The following PALLD variants were observed in gnomAD, a reference collection of about 807,000 sequenced individuals.
PALLD encodes palladin, cytoskeletal associated protein.
Under a neutral mutation model 123.5 loss-of-function variants are expected in PALLD, and 61 were observed. That is an observed-to-expected ratio of 0.49 (90% CI 0.40 to 0.61). The LOEUF is 0.61. PALLD is among the 20% of genes least tolerant of loss of function. PALLD has a pLI of 0.00. For synonymous variants in PALLD, 465 were observed against 496.4 expected (o/e 0.94, Z 0.84); for missense variants, 1,273 against 1,377.0 (o/e 0.92, Z 1.20).
chr4:168,924,497 A>G, intron 19 of PALLD, 77 bp downstream of exon 19: 2 of 1,310,962 alleles, frequency 1.5e-6, no homozygotes, highest in South Asian at 2.4e-5. Flanking sequence ...TTTATATAGC[A>G]TGGAAATCTA....
At chr4:168,742,251 A>G (rs551398593) in intron 10 of PALLD, among the ~76,000 whole-genome samples, 1 of 152,308 alleles carries the variant, frequency 6.6e-6, no homozygotes, top group East Asian at 1.9e-4. Context: ...TACCCAGTGC[A>G]TCATGAACAA....
In PALLD at chr4:168,668,136, C is replaced by T. The variant is rs180767517; in HGVS notation, c.909-54C>T. ...TTCACTTCTGCTTTATTGTTTTAAA[C>T]ATCACCATTTCCTTTCTTTCCCTCC... On this transcript the variant is annotated intron_variant, in intron 2 of 21. Coordinates refer to ENST00000505667, the MANE Select transcript of PALLD (RefSeq NM_001166108.2). 7.5e-4 allele frequency: 1,044 copies of T among 1,385,184 alleles called. 2 individuals are homozygous for T. Among genetic ancestry groups the T allele is most frequent in the Non-Finnish European group, 6.3e-4 (612 of 971,202 alleles). 85.8% of individuals were successfully genotyped at this position (1,385,184 alleles called of 1,614,324 possible). A position where few individuals can be genotyped will look rare whatever the true frequency, so the allele number is the denominator to read the frequency against.
At chr4:168,822,406 G>A (rs1742856249) in intron 10 of PALLD, among the ~76,000 whole-genome samples, 1 of 152,152 alleles carries the variant, frequency 6.6e-6, no homozygotes, top group Non-Finnish European at 1.5e-5. Flanking sequence ...GAGGTCAAAT[G>A]ATACTGATCA....
rs769635594 is a variant in PALLD, at chr4:168,928,364, G to A, written c.*2184G>A. The A allele has an allele frequency of 2.0e-4, 36 of 182,792 alleles. No homozygotes were observed. Among genetic ancestry groups the A allele is most frequent in the Non-Finnish European group, 3.0e-4 (26 of 85,732 alleles). 11.3% of individuals were successfully genotyped at this position (182,792 alleles called of 1,614,324 possible). A position where few individuals can be genotyped will look rare whatever the true frequency, so the allele number is the denominator to read the frequency against. ...ACTATCAATCAATCATACTACTTTG[G>A]ATTGTTGTGCTGGTGTAATGTGGAT... On this transcript the variant is annotated 3_prime_UTR_variant, in exon 22 of 22. Transcript: ENST00000505667.
chr4:168,633,465 T>C (rs1044431378), intron 2 of PALLD, among the ~76,000 whole-genome samples: 1 of 152,240 alleles, frequency 6.6e-6, no homozygotes, highest in African/African-American at 2.4e-5. Context: ...TCATAACTAG[T>C]AGACATGAGT....
At chr4:168,866,909 C>A (rs970864604) in intron 10 of PALLD, among the ~76,000 whole-genome samples, 10 of 152,136 alleles carry the variant, frequency 6.6e-5, no homozygotes, top group African/African-American at 2.4e-4. Flanking sequence ...ATAGGAGGGG[C>A]AGACTTAGAG....
At chr4:168,513,621 C>T (rs984259706) in intron 2 of PALLD, among the ~76,000 whole-genome samples, 3 of 152,126 alleles carry the variant, frequency 2.0e-5, no homozygotes, top group African/African-American at 7.2e-5. Flanking sequence ...TAAAGCAGTA[C>T]CTTGCAGCTA....
At chr4:168,809,611 C>G (rs1227959376) in intron 10 of PALLD, among the ~76,000 whole-genome samples, 3 of 152,092 alleles carry the variant, frequency 2.0e-5, no homozygotes, top group African/African-American at 7.2e-5. Context: ...GCCTGTAATC[C>G]CAACACTTTG....
At chr4:168,790,524 A>G (rs941287736) in intron 10 of PALLD, among the ~76,000 whole-genome samples, 57 of 151,968 alleles carry the variant, frequency 3.8e-4, no homozygotes, top group African/African-American at 1.4e-3. Context: ...AACATGAGGT[A>G]CAGATTGAAA....
chr4:168,747,080 A>G (rs1730425280), intron 10 of PALLD, among the ~76,000 whole-genome samples: 1 of 152,214 alleles, frequency 6.6e-6, no homozygotes, highest in Non-Finnish European at 1.5e-5. Flanking sequence ...GTTGGATTCT[A>G]TTTACTACAC....
At chr4:168,585,442 T>C (rs1770714864) in intron 2 of PALLD, among the ~76,000 whole-genome samples, 1 of 152,116 alleles carries the variant, frequency 6.6e-6, no homozygotes, top group African/African-American at 2.4e-5. Context: ...GAAAAGAGAT[T>C]TGCAACCAGC....
chr4:168,503,905 T>C (rs981061664), intron 1 of PALLD, among the ~76,000 whole-genome samples: 2 of 152,102 alleles, frequency 1.3e-5, no homozygotes, highest in Non-Finnish European at 2.9e-5. Flanking sequence ...GGGAGCATCA[T>C]AGGAAAAAAA....
At chr4:168,619,951 A>G (rs924667899) in intron 2 of PALLD, among the ~76,000 whole-genome samples, 1 of 152,174 alleles carries the variant, frequency 6.6e-6, no homozygotes, top group African/African-American at 2.4e-5. Flanking sequence ...TTCCAATAGT[A>G]GTGATGAGTT....
At chr4:168,598,655 T>C in intron 2 of PALLD, 1 of 329,268 alleles carries the variant, frequency 3.0e-6, no homozygotes, top group Non-Finnish European at 6.1e-6. Flanking sequence ...TACGGAACTC[T>C]GAAGCTTTCT....
intron 2 of PALLD, among the ~76,000 whole-genome samples, chr4:168,624,176 A>C (rs1775019973): frequency 1.4e-5 from 2 of 144,864 alleles, no homozygotes; most frequent in Admixed American, 1.4e-4. Flanking sequence ...TCGATACAGA[A>C]AATTCTAAAT....
intron 10 of PALLD, among the ~76,000 whole-genome samples, chr4:168,719,911 T>G (rs1326494627): frequency 6.6e-6 from 1 of 152,228 alleles, no homozygotes; most frequent in Non-Finnish European, 1.5e-5. Context: ...GACATGATCT[T>G]GTTCCTTTAT....
intron 2 of PALLD, among the ~76,000 whole-genome samples, chr4:168,547,615 A>T (rs6858808): frequency 0.65 from 95,114 of 145,834 alleles, 31,467 homozygotes; most frequent in East Asian, 0.85. Context: ...GTGCCTGTAG[A>T]CTGAGCTACT....
chr4:168,692,840 C>T (rs1782756929), intron 8 of PALLD, among the ~76,000 whole-genome samples: 1 of 152,172 alleles, frequency 6.6e-6, no homozygotes, highest in African/African-American at 2.4e-5. Flanking sequence ...TGTTGTTATA[C>T]GTTGTCATCA....
At chr4:168,722,039 G>A (rs1018328590) in intron 10 of PALLD, among the ~76,000 whole-genome samples, 1 of 152,090 alleles carries the variant, frequency 6.6e-6, no homozygotes, top group Admixed American at 6.6e-5. Context: ...AGCTATTTAT[G>A]TATATATGTA....
Sources: gnomAD v4.1 joint callset for allele counts (sites outside exome capture counted in the v4.1 genomes callset) on GRCh38, gnomAD v4.1.1 for gene constraint, MANE v1.5 for transcripts, NCBI Gene and HGNC (gene_info 2026-07-23, HGNC 2026-07-21) for gene names.